Variants in CSMD2 observed in about 807,000 individuals in gnomAD.
CSMD2 encodes CUB and sushi domain-containing protein 2.
Under a neutral mutation model 398.5 loss-of-function variants are expected in CSMD2, and 130 were observed. The observed-to-expected ratio is 0.33, with a 90% confidence interval of 0.28 to 0.38. CSMD2 has a LOEUF of 0.38. CSMD2 is among the 10% of genes least tolerant of loss of function. The pLI is 1.00. For synonymous variants in CSMD2, 1,828 were observed against 1,908.5 expected, an observed-to-expected ratio of 0.96 and a Z score of 1.10; for missense variants, 3,829 against 4,764.9, an observed-to-expected ratio of 0.80 and a Z score of 5.78.
chr1:33,937,072 G>A (rs1172562092), intron 3 of CSMD2, among the ~76,000 whole-genome samples: 1 of 152,194 alleles, frequency 6.6e-6, no homozygotes, highest in African/African-American at 2.4e-5. Flanking sequence ...TCATTTGTAA[G>A]ATAGGGAGCT....
intron 10 of CSMD2, among the ~76,000 whole-genome samples, chr1:33,806,355 C>T (rs1656229164): frequency 6.6e-6 from 1 of 152,136 alleles, no homozygotes; most frequent in African/African-American, 2.4e-5. Context: ...TGGTTTGAAA[C>T]CTCCATACTG....
At chr1:33,523,448 T>C in intron 66 of CSMD2, 29 bp from the exon 67 acceptor site, 1 of 1,027,006 alleles carries the variant, frequency 9.7e-7, no homozygotes, top group Non-Finnish European at 1.5e-6. Flanking sequence ...GTGTTACACA[T>C]GAAAGATATG....
chr1:34,060,071 G>A (rs1270956448), intron 2 of CSMD2, among the ~76,000 whole-genome samples: 1 of 152,204 alleles, frequency 6.6e-6, no homozygotes, highest in African/African-American at 2.4e-5. Flanking sequence ...ATGCCAGGAA[G>A]GCACAGGGTG....
chr1:33,541,203 C>T lies in CSMD2; in HGVS notation c.9384G>A (p.Met3128Ile). 6.2e-7 allele frequency: 1 copy of T among 1,613,878 alleles called. No homozygotes were observed. The highest frequency in any genetic ancestry group is 8.5e-7 in the Non-Finnish European group (1 of 1,179,772). ...VTYQCVPGYM[M>I]ESHRVSVLSC... ...TCAGCACAGATACTCTATGTGACTC[C>T]ATCATATAGCCAGGGACACACTGAT... Residue 3128 changes from methionine to isoleucine, a missense_variant, in exon 59 of 71, where the codon ATG becomes ATA. By Grantham distance (10) the Met-to-Ile change is conservative. Coordinates refer to ENST00000373381, the MANE Select transcript of CSMD2 (RefSeq NM_001281956.2).
chr1:33,631,118 T>TA (rs951134889), intron 32 of CSMD2, among the ~76,000 whole-genome samples: 12 of 150,056 alleles, frequency 8.0e-5, no homozygotes, highest in East Asian at 3.9e-4. Context: ...CAATAAAAAT[T>TA]AAAAAAAACC....
rs74603574 is a variant in CSMD2 at position 33,971,817 on chromosome 1, G to A, written c.518-35863C>T. Reference sequence around the variant, plus strand: ...CAGCTTGGTTCCTCAGAGTGCCCTGGGAGCCATGGAGAGTTGACGAGATCT... The same window carrying A: ...CAGCTTGGTTCCTCAGAGTGCCCTGAGAGCCATGGAGAGTTGACGAGATCT... On this transcript the variant is annotated intron_variant, in intron 3 of 70. Transcript: ENST00000373381. Among the ~76,000 whole-genome samples the A allele has an allele frequency of 6.6e-3, 1,004 of 152,184 alleles. 7 individuals are homozygous for A. The highest frequency in any genetic ancestry group is 0.023 in the African/African-American group (966 of 41,516).
intron 3 of CSMD2, among the ~76,000 whole-genome samples, chr1:33,984,947 T>C (rs1031710369): frequency 2.0e-5 from 3 of 152,076 alleles, no homozygotes; most frequent in Non-Finnish European, 4.4e-5. Context: ...AGAGGTGATG[T>C]TAATATAAAA....
chr1:34,096,052 A>C (rs561730870), intron 1 of CSMD2, among the ~76,000 whole-genome samples: 2 of 151,914 alleles, frequency 1.3e-5, no homozygotes, highest in South Asian at 4.1e-4. Flanking sequence ...CATCAAAAAG[A>C]TTATCCACCA....
At chr1:33,594,429 C>T (rs1639701319) in intron 44 of CSMD2, among the ~76,000 whole-genome samples, 1 of 152,158 alleles carries the variant, frequency 6.6e-6, no homozygotes, top group African/African-American at 2.4e-5. Flanking sequence ...TTTAAGGTAA[C>T]TTTCTCAGCC....
intron 12 of CSMD2, among the ~76,000 whole-genome samples, chr1:33,774,249 C>A (rs1651676133): frequency 6.6e-6 from 1 of 151,896 alleles, no homozygotes; most frequent in Non-Finnish European, 1.5e-5. Flanking sequence ...GTAAGTCAGC[C>A]CACTTGCCTC....
chr1:34,123,299 G>A (rs1571192255), intron 1 of CSMD2, among the ~76,000 whole-genome samples: 1 of 152,108 alleles, frequency 6.6e-6, no homozygotes. Context: ...CCAAGAGGAC[G>A]GGGTCCAGAG....
chr1:33,605,889 A>G (rs74653256), intron 41 of CSMD2: 1 of 1,613,806 alleles, frequency 6.2e-7, no homozygotes, highest in Non-Finnish European at 8.5e-7. Flanking sequence ...AAGATCCCAG[A>G]CATAGGAAGC....
At chr1:33,829,925 T>A (rs926596874) in intron 6 of CSMD2, among the ~76,000 whole-genome samples, 1 of 152,088 alleles carries the variant, frequency 6.6e-6, no homozygotes, top group Non-Finnish European at 1.5e-5. Flanking sequence ...CAGTCTGAGA[T>A]CAAACTGCAA....
intron 1 of CSMD2, among the ~76,000 whole-genome samples, chr1:34,144,162 G>A (rs1251161683): frequency 6.6e-6 from 1 of 152,110 alleles, no homozygotes; most frequent in Non-Finnish European, 1.5e-5. Flanking sequence ...AAGGTGGGTG[G>A]GGCTCCTACC....
chr1:33,602,327 A>G, intron 43 of CSMD2, 42 bp downstream of exon 43: 1 of 1,605,622 alleles, frequency 6.2e-7, no homozygotes, highest in Middle Eastern at 1.7e-4. Flanking sequence ...AACCCCAGTA[A>G]TGCTCCTTTC....
intron 1 of CSMD2, among the ~76,000 whole-genome samples, chr1:34,109,252 G>C (rs1025987697): frequency 2.0e-5 from 3 of 152,198 alleles, no homozygotes; most frequent in African/African-American, 7.2e-5. Context: ...ATAAAGGAAA[G>C]GGTTTTGTGT....
At chr1:33,865,719 C>A (rs1639983923) in intron 5 of CSMD2, among the ~76,000 whole-genome samples, 1 of 152,186 alleles carries the variant, frequency 6.6e-6, no homozygotes, top group African/African-American at 2.4e-5. Flanking sequence ...ATGCTAGAAT[C>A]CCTGTGGCAT....
At chr1:33,844,056 C>G (rs1278110060) in intron 6 of CSMD2, among the ~76,000 whole-genome samples, 4 of 152,244 alleles carry the variant, frequency 2.6e-5, no homozygotes, top group Non-Finnish European at 5.9e-5. Context: ...ACTAAACCCT[C>G]TACCGTTAAA....
chr1:34,024,970 AT>A (rs1303610138), intron 3 of CSMD2, among the ~76,000 whole-genome samples: 1 of 152,128 alleles, frequency 6.6e-6, no homozygotes, highest in Non-Finnish European at 1.5e-5. Flanking sequence ...GGAAAGGCCC[AT>A]TTCTCCCATG....
Sources: allele counts gnomAD v4.1 joint callset (sites outside exome capture counted in the v4.1 genomes callset), GRCh38; gene constraint gnomAD v4.1.1; transcripts MANE v1.5; gene names NCBI Gene and HGNC (gene_info 2026-07-23, HGNC 2026-07-21).